The following RABGAP1L variants were observed in gnomAD, a reference collection of about 807,000 sequenced individuals.
RABGAP1L encodes the protein RAB GTPase activating protein 1 like.
In RABGAP1L, 63 loss-of-function variants were observed where a neutral mutation model predicts 137.7. The observed-to-expected ratio is 0.46, with a 90% CI of 0.37 to 0.56. RABGAP1L has a LOEUF of 0.56. Ranked by LOEUF, RABGAP1L falls within the 20% of genes least tolerant of loss-of-function variation. RABGAP1L has a pLI of 0.00. For synonymous variants in RABGAP1L, 431 were observed against 433.7 expected (o/e 0.99, Z 0.08); for missense variants, 1,095 against 1,244.0 (o/e 0.88, Z 1.80).
At chr1:174,356,213 G>A (rs2148947847) in intron 11 of RABGAP1L, among the ~76,000 whole-genome samples, 1 of 151,858 alleles carries the variant, frequency 6.6e-6, no homozygotes, top group East Asian at 1.9e-4. Context: ...ATAAGGTTTT[G>A]GGTTTTTTTC....
At chr1:174,757,797 G>C (rs919700763) in intron 18 of RABGAP1L, among the ~76,000 whole-genome samples, 4 of 151,892 alleles carry the variant, frequency 2.6e-5, no homozygotes, top group African/African-American at 9.7e-5. Context: ...AGGGGGCCAA[G>C]GTGGGTGAAT....
At chr1:174,461,179 T>C (rs896047493) in intron 13 of RABGAP1L, among the ~76,000 whole-genome samples, 1 of 152,188 alleles carries the variant, frequency 6.6e-6, no homozygotes, top group African/African-American at 2.4e-5. Context: ...TCTTCTGCCT[T>C]TGTTGCAGTG....
Position 174,241,569 on chromosome 1 carries a change from CAG to C in RABGAP1L, c.634_635del (p.Ser212GlnfsTer23), listed in dbSNP as rs1671833342. On this transcript the variant is annotated frameshift_variant, in exon 5 of 26. Coordinates refer to ENST00000681986, the MANE Select transcript of RABGAP1L (RefSeq NM_001366446.1). LOFTEE classifies it high-confidence loss of function. Reference sequence around the variant, plus strand: ...TGTGCACGTGGACATGACGGAACAACAGAGAGCAATTGCTTTGCATTTACAGA... The same window carrying C: ...TGTGCACGTGGACATGACGGAACAACAGAGCAATTGCTTTGCATTTACAGA... The C allele has an allele frequency of 6.2e-7, 1 of 1,613,462 alleles. No individual in the cohort carries two copies.
intron 7 of RABGAP1L, among the ~76,000 whole-genome samples, chr1:174,258,582 C>T (rs570092529): frequency 5.3e-4 from 81 of 152,076 alleles, no homozygotes; most frequent in African/African-American, 1.9e-3. Flanking sequence ...GGATTATAGG[C>T]GTGAGCCACT....
chr1:174,359,337 T>G (rs566705096), intron 11 of RABGAP1L, among the ~76,000 whole-genome samples: 1 of 152,218 alleles, frequency 6.6e-6, no homozygotes, highest in Non-Finnish European at 1.5e-5. Context: ...TTTCTTCAGC[T>G]CCTTTCTTCC....
At chr1:174,714,330 A>G (rs1279659530) in intron 17 of RABGAP1L, among the ~76,000 whole-genome samples, 2 of 152,016 alleles carry the variant, frequency 1.3e-5, no homozygotes, top group Admixed American at 1.3e-4. Flanking sequence ...TTGGTGTTTT[A>G]TTTATTGACT....
At chr1:174,291,197 C>CT (rs936390921) in intron 10 of RABGAP1L, among the ~76,000 whole-genome samples, 4 of 150,342 alleles carry the variant, frequency 2.7e-5, no homozygotes, top group Non-Finnish European at 5.9e-5. Context: ...TGTTGAAACT[C>CT]TATCAAATAT....
chr1:174,278,808 A>G (rs1675235617), intron 10 of RABGAP1L, 29 bp downstream of exon 10: 2 of 1,394,238 alleles, frequency 1.4e-6, no homozygotes, highest in Non-Finnish European at 1.9e-6. Flanking sequence ...CTTCATATAT[A>G]GTAACAAACA....
intron 17 of RABGAP1L, among the ~76,000 whole-genome samples, chr1:174,723,104 C>T (rs182288921): frequency 3.4e-4 from 51 of 152,130 alleles, no homozygotes; most frequent in Admixed American, 1.2e-3. Context: ...AAGGAGTTTT[C>T]GCTCTTGTTG....
Position 174,328,006 on chromosome 1 carries a change from T to TACAC in RABGAP1L, c.1465+22880_1465+22881insCACA, listed in dbSNP as rs1255481390. On this transcript the variant is annotated intron_variant, in intron 11 of 25. Coordinates refer to ENST00000681986, the MANE Select transcript of RABGAP1L (RefSeq NM_001366446.1). ...ACACACATATATATATATATATATA[T>TACAC]ATATATATATATATATATACCCAAC... is the stretch of plus-strand genomic sequence containing the variant. 1.6e-3 allele frequency among the ~76,000 whole-genome samples: 210 copies of TACAC among 134,542 alleles called. 2 individuals are homozygous for TACAC. Among genetic ancestry groups the TACAC allele is most frequent in the African/African-American group, 6.1e-3 (199 of 32,684 alleles). 88.3% of individuals were successfully genotyped at this position (134,542 alleles called of 152,430 possible).
At chr1:174,433,722 T>C (rs538333526) in intron 13 of RABGAP1L, among the ~76,000 whole-genome samples, 19 of 152,334 alleles carry the variant, frequency 1.2e-4, no homozygotes, top group African/African-American at 4.6e-4. Flanking sequence ...CAGTATCTGT[T>C]CTTTTAGACA....
chr1:174,681,144 G>A (rs1678035231), intron 14 of RABGAP1L, among the ~76,000 whole-genome samples: 1 of 152,070 alleles, frequency 6.6e-6, no homozygotes, highest in Non-Finnish European at 1.5e-5. Flanking sequence ...AACCACTTTG[G>A]GAAACAATTT....
At chr1:174,664,411 T>C (rs1430720368) in intron 14 of RABGAP1L, among the ~76,000 whole-genome samples, 1 of 152,190 alleles carries the variant, frequency 6.6e-6, no homozygotes. Flanking sequence ...AATATATTTA[T>C]ATTCTGGAGA....
chr1:174,645,619 T>C (rs1157313577), intron 14 of RABGAP1L, among the ~76,000 whole-genome samples: 3 of 152,196 alleles, frequency 2.0e-5, no homozygotes, highest in Non-Finnish European at 4.4e-5. Context: ...CAGTCTATCA[T>C]TGATGGGCAT....
At position 174,740,852 on chromosome 1, in the gene RABGAP1L, C is replaced by A. The variant is rs1004707688; in HGVS notation, c.2170-11461C>A. The stretch of plus-strand genomic sequence containing the variant: ...GAACATTTTTTCATATACCTGTTGG[C>A]TGTTTGTATTTATTTTTTTGAGAAA... On this transcript the variant is annotated intron_variant, in intron 17 of 25. Coordinates refer to ENST00000681986, the MANE Select transcript of RABGAP1L (RefSeq NM_001366446.1). Among the ~76,000 whole-genome samples the A allele has an allele frequency of 2.3e-4, 35 of 151,936 alleles. 1 individual carries two copies. Among genetic ancestry groups the A allele is most frequent in the Non-Finnish European group, 2.2e-4 (15 of 67,996 alleles).
chr1:174,944,944 T>C (rs896402342), intron 19 of RABGAP1L, among the ~76,000 whole-genome samples: 8 of 152,220 alleles, frequency 5.3e-5, no homozygotes, highest in African/African-American at 1.9e-4. Context: ...TTACTTTTGA[T>C]CTAATTGCCA....
chr1:174,819,362 T>G (rs1223072040), intron 19 of RABGAP1L, among the ~76,000 whole-genome samples: 1 of 152,040 alleles, frequency 6.6e-6, no homozygotes, highest in Non-Finnish European at 1.5e-5. Context: ...CCAATGACTC[T>G]TAATTTCTTC....
At chr1:174,409,371 C>A (rs150087383) in intron 13 of RABGAP1L, among the ~76,000 whole-genome samples, 1,826 of 152,288 alleles carry the variant, frequency 0.012, 10 homozygotes, top group Middle Eastern at 0.041. Context: ...ACTTTAATCT[C>A]TTAATCCTGT....
At chr1:174,710,339 G>C (rs909368369) in intron 17 of RABGAP1L, among the ~76,000 whole-genome samples, 2 of 151,966 alleles carry the variant, frequency 1.3e-5, no homozygotes, top group African/African-American at 4.8e-5. Flanking sequence ...TTCCTTTGTG[G>C]AACCCCACAA....
Sources: allele counts gnomAD v4.1 joint callset (sites outside exome capture counted in the v4.1 genomes callset), GRCh38; gene constraint gnomAD v4.1.1; transcripts MANE v1.5; gene names NCBI Gene and HGNC (gene_info 2026-07-23, HGNC 2026-07-21).